UGT8: variants seen among roughly 807,000 people sequenced by gnomAD.
UGT8 encodes UDP glycosyltransferase 8, also known as 2-hydroxyacylsphingosine 1-beta-galactosyltransferase.
In UGT8, 12 loss-of-function variants were observed where a neutral mutation model predicts 40.5. The observed-to-expected ratio is 0.30, with a 90% CI of 0.19 to 0.48. The LOEUF is 0.48. UGT8 is among the 20% of genes least tolerant of loss of function. The pLI, the probability that UGT8 is intolerant of heterozygous loss-of-function variation, is 0.99. For synonymous variants in UGT8, 224 were observed against 240.4 expected (o/e 0.93, Z 0.63); for missense variants, 513 against 648.7 (o/e 0.79, Z 2.27).
chr4:114,627,494 G>A lies in UGT8; in HGVS notation c.822+3792G>A, dbSNP rs894529814. Among the ~76,000 whole-genome samples, 5 of 152,010 alleles carry A rather than the reference G, an allele frequency of 3.3e-5. No individual in the cohort carries two copies. The South Asian group carries it at 8.3e-4, about 25-fold the overall frequency. The stretch of plus-strand genomic sequence containing the variant: ...AGGATGGTCTCGATCTCCTGACCTT[G>A]TGATCTGCCCGTCTCGGCCTCCCAA... On this transcript the variant is annotated intron_variant, in intron 2 of 5. Transcript: ENST00000310836.
At chr4:114,665,656 C>G in intron 3 of UGT8, 24 bp from the exon 4 acceptor site, 1 of 1,580,222 alleles carries the variant, frequency 6.3e-7, no homozygotes, top group Non-Finnish European at 8.6e-7. Context: ...TTTTAAAAGA[C>G]TAATTGTCTG....
chr4:114,654,345 A>G (rs990095667), intron 2 of UGT8, among the ~76,000 whole-genome samples: 5 of 152,004 alleles, frequency 3.3e-5, no homozygotes, highest in African/African-American at 9.7e-5. Context: ...TTCAGATTCC[A>G]TTTATGACTC....
chr4:114,649,553 T>A (rs1218722251), intron 2 of UGT8, among the ~76,000 whole-genome samples: 1 of 152,164 alleles, frequency 6.6e-6, no homozygotes, highest in Non-Finnish European at 1.5e-5. Context: ...TGCTCTACCA[T>A]CCTCCTGTGC....
intron 2 of UGT8, among the ~76,000 whole-genome samples, chr4:114,641,461 T>C (rs1467255815): frequency 6.6e-6 from 1 of 152,224 alleles, no homozygotes; most frequent in East Asian, 1.9e-4. Flanking sequence ...TATTTCATAA[T>C]TTAAAATGTT....
At position 114,647,461 on chromosome 4, in the gene UGT8, G is replaced by A. The variant is rs577793685; in HGVS notation, c.823-16534G>A. 2.0e-5 allele frequency among the ~76,000 whole-genome samples: 3 copies of A among 151,190 alleles called. No homozygotes were observed. In the East Asian group the frequency reaches 5.9e-4, roughly 30 times the overall value. ...GCTCACTGCAGCCTCAGTCTCCCAG[G>A]TTCAAACGATTCTCCTGCCTCAGCC... On this transcript the variant is annotated intron_variant, in intron 2 of 5. Transcript: ENST00000310836.
At chr4:114,660,416 A>G (rs1322798659) in intron 2 of UGT8, among the ~76,000 whole-genome samples, 2 of 152,178 alleles carry the variant, frequency 1.3e-5, no homozygotes, top group African/African-American at 4.8e-5. Flanking sequence ...GGTTCTTTTC[A>G]TGTTTATGCC....
chr4:114,664,459 T>A (rs963048714), intron 3 of UGT8, among the ~76,000 whole-genome samples: 4 of 152,224 alleles, frequency 2.6e-5, no homozygotes, highest in South Asian at 2.1e-4. Context: ...ATTTTAAAAA[T>A]TAGTTTTAAT....
chr4:114,602,120 AG>A (rs973596847), intron 1 of UGT8, among the ~76,000 whole-genome samples: 1 of 152,170 alleles, frequency 6.6e-6, no homozygotes, highest in African/African-American at 2.4e-5. Flanking sequence ...TGAGATCTTT[AG>A]GAGGGTGTAT....
Position 114,677,814 on chromosome 4 carries a change from G to A in UGT8, c.*1526G>A, listed in dbSNP as rs903113023. The A allele has an allele frequency of 6.6e-6, 1 of 152,184 alleles. No individual in the cohort carries two copies. The highest frequency in any genetic ancestry group is 2.4e-5 in the African/African-American group (1 of 41,454). The allele number at this position is 152,184 out of a possible 1,614,324, so 9.4% of individuals were successfully genotyped here. The stretch of plus-strand genomic sequence containing the variant: ...TGTCATTCACTAACATGGAAGAGTT[G>A]TGAAAATTCTAGAGTGCTGTAAATC... On this transcript the variant is annotated 3_prime_UTR_variant, in exon 6 of 6. Coordinates refer to ENST00000310836, the MANE Select transcript of UGT8 (RefSeq NM_001128174.3).
rs1735619255 is a variant in UGT8, at chr4:114,676,014, T to G, written c.1352T>G (p.Ile451Ser). ...VNRTIYWIDY[I>S]IRHNGAHHLR... ...CGAACTATCTATTGGATAGATTATA[T>G]TATTCGTCACAATGGAGCCCATCAC... Residue 451 changes from isoleucine to serine, a missense_variant, in exon 6 of 6, where the codon ATT (isoleucine) becomes AGT (serine). Ile to Ser is a moderately radical substitution (Grantham distance 142). Coordinates refer to ENST00000310836, the MANE Select transcript of UGT8 (RefSeq NM_001128174.3). The G allele has an allele frequency of 6.2e-7, 1 of 1,614,196 alleles. No homozygotes were observed. Among genetic ancestry groups the G allele is most frequent in the Non-Finnish European group, 8.5e-7 (1 of 1,180,032 alleles).
In UGT8 at chr4:114,668,265, A is replaced by G. The variant is rs751958761; in HGVS notation, c.1223A>G (p.Glu408Gly). The G allele has an allele frequency of 6.2e-7, 1 of 1,613,812 alleles. No homozygotes were observed. The highest frequency in any genetic ancestry group is 2.2e-5 in the East Asian group (1 of 44,830). Residue 408 changes from glutamate (E) to glycine (G), a missense_variant, in exon 5 of 6, where the codon GAG becomes GGG. Transcript: ENST00000310836. ...LLEWKTVTEK[E>G]LYEALVKVIN... ...GAATGGAAGACAGTTACTGAAAAAG[A>G]GCTCTATGAAGCACTAGTGAAGGTT... is the stretch of plus-strand genomic sequence containing the variant.
At chr4:114,622,785 T>A in intron 1 of UGT8, 94 bp from the exon 2 acceptor site, 1 of 1,136,162 alleles carries the variant, frequency 8.8e-7, no homozygotes, top group Non-Finnish European at 1.2e-6. Context: ...AAGTATTAGA[T>A]CAGATATTTT....
intron 5 of UGT8, among the ~76,000 whole-genome samples, chr4:114,669,735 G>A (rs1365785485): frequency 6.6e-6 from 1 of 152,176 alleles, no homozygotes; most frequent in Non-Finnish European, 1.5e-5. Flanking sequence ...ATTCAATGCA[G>A]TGAATAAATT....
intron 2 of UGT8, among the ~76,000 whole-genome samples, chr4:114,646,128 T>C (rs898809911): frequency 1.3e-5 from 2 of 152,110 alleles, no homozygotes; most frequent in Non-Finnish European, 2.9e-5. Context: ...GCAAGATTTA[T>C]GTCTGATATG....
chr4:114,667,242 A>G (rs985857531), intron 4 of UGT8, among the ~76,000 whole-genome samples: 5 of 152,162 alleles, frequency 3.3e-5, no homozygotes, highest in African/African-American at 1.2e-4. Context: ...TACCTGGCAC[A>G]TGTGTATTTT....
chr4:114,639,627 T>C (rs1339363566), intron 2 of UGT8, among the ~76,000 whole-genome samples: 1 of 152,218 alleles, frequency 6.6e-6, no homozygotes, highest in South Asian at 2.1e-4. Flanking sequence ...CTAAGGAGGT[T>C]GGTTGGTACT....
rs533510364 is a variant in UGT8, at chr4:114,602,525, A to G, written c.-3+3551A>G. ...CCTTAATCTGAAGCATTTCACAAAC[A>G]TTCATTCTTTTATTCAACAAATATT... On this transcript the variant is annotated intron_variant, in intron 1 of 5. Coordinates refer to ENST00000310836, the MANE Select transcript of UGT8 (RefSeq NM_001128174.3). Among the ~76,000 whole-genome samples, 3 of 152,356 alleles carry G rather than the reference A, an allele frequency of 2.0e-5. No individual in the cohort carries two copies. The South Asian group carries it at 6.2e-4, about 32-fold the overall frequency.
chr4:114,665,865 G>C, intron 4 of UGT8, 109 bp downstream of exon 4: 1 of 661,260 alleles, frequency 1.5e-6, no homozygotes, highest in Non-Finnish European at 2.3e-6. Context: ...CGGTATGTAT[G>C]TAGTATATGG....
At chr4:114,630,764 T>C (rs189736887) in intron 2 of UGT8, among the ~76,000 whole-genome samples, 2 of 152,304 alleles carry the variant, frequency 1.3e-5, no homozygotes, top group Admixed American at 6.5e-5. Context: ...TTGATAGATA[T>C]ATCTTCTCTA....
Sources: allele counts gnomAD v4.1 joint callset (sites outside exome capture counted in the v4.1 genomes callset), GRCh38; gene constraint gnomAD v4.1.1; transcripts MANE v1.5; gene names NCBI Gene and HGNC (gene_info 2026-07-23, HGNC 2026-07-21).